Variants in CORO7 observed in about 807,000 individuals in gnomAD.
CORO7 encodes coronin-7.
CORO7 carries 107 observed loss-of-function variants against 126.6 expected under a neutral mutation model. The observed-to-expected ratio is 0.85, with a 90% CI of 0.72 to 0.99. The LOEUF is 0.99. CORO7 is among the 50% of genes least tolerant of loss of function. CORO7 has a pLI of 0.00. For missense variants in CORO7, 1,314 were observed against 1,255.8 expected (o/e 1.05, Z -0.70); for synonymous variants, 603 against 536.8 (o/e 1.12, Z -1.70).
chr16:4,374,995 C>G lies in CORO7; in HGVS notation c.786-9450G>C, dbSNP rs144050874. Reference sequence around the variant, plus strand: ...TGAGGGCCCAGCCCTGGTGGCATCACACCTGCCGCGTGCCGAAAGTGGCAT... The same window carrying G: ...TGAGGGCCCAGCCCTGGTGGCATCAGACCTGCCGCGTGCCGAAAGTGGCAT... On this transcript the variant is annotated intron_variant, in intron 9 of 27. Coordinates refer to ENST00000251166, the MANE Select transcript of CORO7 (RefSeq NM_024535.5). Among the ~76,000 whole-genome samples the G allele has an allele frequency of 2.6e-5, 4 of 152,218 alleles. No homozygotes were observed. The East Asian group carries it at 7.7e-4, about 29-fold the overall frequency.
intron 9 of CORO7, chr16:4,383,018 C>G: frequency 8.9e-7 from 1 of 1,129,836 alleles, no homozygotes; most frequent in South Asian, 1.7e-5. Flanking sequence ...GCAGACAGGG[C>G]TGTGTGACCA....
At chr16:4,358,958 G>A (rs1489852882) in intron 23 of CORO7, 3 of 368,586 alleles carry the variant, frequency 8.1e-6, no homozygotes, top group Non-Finnish European at 1.5e-5. Context: ...TGTTTGTTTT[G>A]TAGAGATGGG....
In CORO7 at chr16:4,360,488, G is replaced by T; in HGVS notation, c.1978C>A (p.Arg660Ser). Reference protein sequence around the residue: ...QQLATVCKDGRVRVYRPRSGP... With the variant: ...QQLATVCKDGSVRVYRPRSGP... ...CTCCGGGGCCTGTAGACCCGCACAC[G>T]CCCATCCTTGCAGACAGTGGCCAGC... The change falls in exon 20 of 28, where the codon CGT (arginine) becomes AGT (serine). Residue 660 changes from arginine (R) to serine (S), a missense_variant. Physicochemically the swap from Arg to Ser is moderately radical, Grantham distance 110. Transcript: ENST00000251166. 1 of 1,612,198 alleles carries T rather than the reference G, an allele frequency of 6.2e-7. No individual in the cohort carries two copies. Among genetic ancestry groups the T allele is most frequent in the Non-Finnish European group, 8.5e-7 (1 of 1,179,616 alleles).
chr16:4,400,390 T>G (rs930348315), intron 6 of CORO7, among the ~76,000 whole-genome samples: 1 of 152,096 alleles, frequency 6.6e-6, no homozygotes, highest in African/African-American at 2.4e-5. Context: ...TCCCAGCACT[T>G]TGGGAGGCCG....
At chr16:4,416,389 G>C (rs1272130189) in intron 1 of CORO7, 70 bp downstream of exon 1, 33 of 1,469,040 alleles carry the variant, frequency 2.2e-5, no homozygotes, top group Admixed American at 2.6e-5. Context: ...CCCCTGTGGG[G>C]TCCGGGCAGG....
rs781602831 is a variant in CORO7, at chr16:4,382,685, G to C, written c.785+5301C>G. 2.0e-5 allele frequency: 31 copies of C among 1,546,736 alleles called. No homozygotes were observed. The African/African-American group carries it at 3.7e-4, about 18-fold the overall frequency. ...GCAGCCTACTGTGTGCGGCGGGGGC[G>C]GGCCATGGCAGCAGCGGCTCAGGAC... On this transcript the variant is annotated intron_variant, in intron 9 of 27. Transcript: ENST00000251166.
At chr16:4,376,685 C>T (rs897761586) in intron 9 of CORO7, among the ~76,000 whole-genome samples, 1 of 152,158 alleles carries the variant, frequency 6.6e-6, no homozygotes, top group African/African-American at 2.4e-5. Context: ...TGGGCGTCCC[C>T]CTGGGAGTTG....
chr16:4,408,054 A>G, intron 4 of CORO7, 127 bp downstream of exon 4: 1 of 1,395,882 alleles, frequency 7.2e-7, no homozygotes, highest in South Asian at 1.2e-5. Context: ...CCAGCCCCGC[A>G]GCCCTGGGGA....
rs529354773 is a variant in CORO7, at chr16:4,395,452, C to T, written c.565-113G>A. 659 of 1,399,062 alleles carry T rather than the reference C, an allele frequency of 4.7e-4. 2 individuals carry two copies. The Admixed American group carries it at 0.01, about 22-fold the overall frequency. 86.7% of individuals were successfully genotyped at this position (1,399,062 alleles called of 1,614,324 possible). A position where few individuals can be genotyped will look rare whatever the true frequency, so the allele number is the denominator to read the frequency against. On this transcript the variant is annotated intron_variant, in intron 6 of 27. Coordinates refer to ENST00000251166, the MANE Select transcript of CORO7 (RefSeq NM_024535.5). ...AGCTCTGAGCAGCCCATCCCCAGCA[C>T]GCAGGGCTGCCATCACACACCAGGG...
At chr16:4,375,491 ATTC>A (rs200598540) in intron 9 of CORO7, among the ~76,000 whole-genome samples, 6,734 of 152,218 alleles carry the variant, frequency 0.044, 179 homozygotes, top group Admixed American at 0.097. Flanking sequence ...ACTCCTAGAC[ATTC>A]TTTTTGTTTT....
intron 1 of CORO7, chr16:4,415,675 C>G (rs1251687418): frequency 1.0e-6 from 1 of 983,100 alleles, no homozygotes; most frequent in East Asian, 1.1e-4. Flanking sequence ...TTGAGGTCAA[C>G]TCCTAGGCCC....
Position 4,386,942 on chromosome 16 carries a change from T to C in CORO7, c.785+1044A>G, listed in dbSNP as rs116787112. Among the ~76,000 whole-genome samples the C allele has an allele frequency of 2.8e-3, 434 of 152,282 alleles. 4 individuals are homozygous for C. The highest frequency in any genetic ancestry group is 9.8e-3 in the African/African-American group (408 of 41,550). On this transcript the variant is annotated intron_variant, in intron 9 of 27. Coordinates refer to ENST00000251166, the MANE Select transcript of CORO7 (RefSeq NM_024535.5). ...CTTCCTTACCCCCAGACACATACCC[T>C]TGCTGCTCCCAGAGCCTGGACAGGT... is the stretch of plus-strand genomic sequence containing the variant.
In CORO7 at chr16:4,378,527, G is replaced by A. The variant is rs907974949; in HGVS notation, c.785+9459C>T. Among the ~76,000 whole-genome samples the A allele has an allele frequency of 7.2e-5, 11 of 152,286 alleles. No individual in the cohort carries two copies. In the East Asian group the frequency reaches 1.5e-3, roughly 21 times the overall value. On this transcript the variant is annotated intron_variant, in intron 9 of 27. Transcript: ENST00000251166. ...CACATCTGGAGGCCAGGCCGCACCC[G>A]CCGTCCTCTGAGTCAGTGAGGGTGG...
At chr16:4,358,941 A>G in intron 23 of CORO7, 2 of 327,528 alleles carry the variant, frequency 6.1e-6, no homozygotes, top group Non-Finnish European at 1.1e-5. Flanking sequence ...TATCTAGTGC[A>G]ATTTTTTGTT....
intron 9 of CORO7, among the ~76,000 whole-genome samples, chr16:4,367,995 T>TC (rs2054400275): frequency 6.6e-6 from 1 of 152,022 alleles, no homozygotes; most frequent in Non-Finnish European, 1.5e-5. Flanking sequence ...GCCCAGTAGG[T>TC]CAACACTGTG....
intron 9 of CORO7, among the ~76,000 whole-genome samples, chr16:4,384,100 G>C (rs1346553071): frequency 6.6e-6 from 1 of 152,226 alleles, no homozygotes; most frequent in East Asian, 1.9e-4. Flanking sequence ...GGGAGGGGAA[G>C]TGTGAATCAT....
At position 4,355,065 on chromosome 16, in the gene CORO7, G is replaced by A; in HGVS notation, c.*93C>T. On this transcript the variant is annotated 3_prime_UTR_variant, in exon 28 of 28. Coordinates refer to ENST00000251166, the MANE Select transcript of CORO7 (RefSeq NM_024535.5). ...GGAGTGCAGGGGTGACATGTGCCGGGGCCAGAGAGGTATCTTCCAGCTTGA... is the reference window on the plus strand; with the variant it reads ...GGAGTGCAGGGGTGACATGTGCCGGAGCCAGAGAGGTATCTTCCAGCTTGA... 1 of 1,371,210 alleles carries A rather than the reference G, an allele frequency of 7.3e-7. No individual in the cohort carries two copies. The highest frequency in any genetic ancestry group is 2.6e-5 in the East Asian group (1 of 38,972). 84.9% of individuals were successfully genotyped at this position (1,371,210 alleles called of 1,614,324 possible).
At chr16:4,401,346 CG>C (rs1262058892) in intron 6 of CORO7, among the ~76,000 whole-genome samples, 9 of 152,162 alleles carry the variant, frequency 5.9e-5, no homozygotes, top group Admixed American at 3.9e-4. Context: ...CTGGCAGAGG[CG>C]GGGGCCTGTC....
intron 1 of CORO7, chr16:4,416,003 G>A (rs1303341437): frequency 3.9e-6 from 2 of 512,304 alleles, no homozygotes; most frequent in Non-Finnish European, 5.0e-6. Context: ...ACTTGGGCTC[G>A]CCGGGGCCAG....
Sources: gnomAD v4.1 joint callset for allele counts (sites outside exome capture counted in the v4.1 genomes callset) on GRCh38, gnomAD v4.1.1 for gene constraint, MANE v1.5 for transcripts, NCBI Gene and HGNC (gene_info 2026-07-23, HGNC 2026-07-21) for gene names.